The following LARP1B variants were observed in gnomAD, a reference collection of about 807,000 sequenced individuals.
LARP1B encodes the protein La ribonucleoprotein 1B, also known as la-related protein 1B.
Under a neutral mutation model 114.2 loss-of-function variants are expected in LARP1B, and 76 were observed. The observed-to-expected ratio is 0.67, with a 90% CI of 0.55 to 0.81. The LOEUF is 0.81. Ranked by LOEUF, LARP1B falls within the 30% of genes least tolerant of loss-of-function variation. The pLI is 0.00. For synonymous variants in LARP1B, 345 were observed against 348.0 expected, an observed-to-expected ratio of 0.99 and a Z score of 0.10; for missense variants, 1,014 against 1,075.8, an observed-to-expected ratio of 0.94 and a Z score of 0.80.
At chr4:128,061,903 G>C (rs1760255111) in intron 1 of LARP1B, 1 of 985,208 alleles carries the variant, frequency 1.0e-6, no homozygotes, top group African/African-American at 1.7e-5. Context: ...CGGCGCTGGT[G>C]CTGGGACGCA....
intron 12 of LARP1B, among the ~76,000 whole-genome samples, chr4:128,167,680 A>G (rs191933947): frequency 6.6e-5 from 10 of 152,154 alleles, no homozygotes; most frequent in Admixed American, 2.6e-4. Flanking sequence ...CCATTTATGT[A>G]TATTATTTTG....
chr4:128,145,780 T>TA (rs1172622529), intron 11 of LARP1B, among the ~76,000 whole-genome samples: 1 of 152,220 alleles, frequency 6.6e-6, no homozygotes, highest in African/African-American at 2.4e-5. Flanking sequence ...ATCACAGTCT[T>TA]ACATTGCTTT....
In LARP1B at chr4:128,210,802, T is replaced by C; in HGVS notation, c.*749T>C. On this transcript the variant is annotated 3_prime_UTR_variant, in exon 20 of 20. Transcript: ENST00000326639. ...AGCTGATTACATATTAGAGGTTTAT[T>C]TTTATGATTCTATATAAACGTGCAC... 1 of 983,316 alleles carries C rather than the reference T, an allele frequency of 1.0e-6. No individual in the cohort carries two copies. Among genetic ancestry groups the C allele is most frequent in the Non-Finnish European group, 1.2e-6 (1 of 828,004 alleles). 60.9% of individuals were successfully genotyped at this position (983,316 alleles called of 1,614,324 possible).
chr4:128,192,882 G>C (rs1228581435), intron 15 of LARP1B, among the ~76,000 whole-genome samples: 3 of 151,636 alleles, frequency 2.0e-5, no homozygotes, highest in African/African-American at 7.3e-5. Flanking sequence ...ACCCAGGATA[G>C]AGTGCAGTGG....
chr4:128,203,382 C>G (rs1196924467), intron 17 of LARP1B, among the ~76,000 whole-genome samples: 1 of 98,716 alleles, frequency 1.0e-5, no homozygotes, highest in Non-Finnish European at 1.9e-5. Flanking sequence ...CCCTTCCTTT[C>G]TTTTTTTCTT....
chr4:128,155,791 G>C, intron 11 of LARP1B: 1 of 1,591,192 alleles, frequency 6.3e-7, no homozygotes, highest in Non-Finnish European at 8.6e-7. Context: ...CTTCCTGCAG[G>C]CGGAGACTGA....
chr4:128,133,352 CTG>C (rs1423928104), intron 11 of LARP1B, among the ~76,000 whole-genome samples: 1 of 152,160 alleles, frequency 6.6e-6, no homozygotes, highest in East Asian at 1.9e-4. Flanking sequence ...ATTAATAAAG[CTG>C]TTATGAACAA....
At chr4:128,200,330 C>T (rs971195225) in intron 16 of LARP1B, among the ~76,000 whole-genome samples, 191 bp from the exon 17 acceptor site, 6 of 152,150 alleles carry the variant, frequency 3.9e-5, no homozygotes, top group East Asian at 1.9e-4. Flanking sequence ...CTAGATCCCT[C>T]ACATGTGCAG....
intron 11 of LARP1B, among the ~76,000 whole-genome samples, chr4:128,151,840 G>A (rs1732947917): frequency 1.3e-5 from 2 of 152,154 alleles, no homozygotes; most frequent in African/African-American, 4.8e-5. Context: ...CAGACCTCAA[G>A]TGATCTGCCC....
intron 7 of LARP1B, among the ~76,000 whole-genome samples, chr4:128,095,435 G>T (rs1426376938): frequency 1.4e-5 from 2 of 141,152 alleles, no homozygotes; most frequent in Non-Finnish European, 3.0e-5. Context: ...GTCGCAGTGA[G>T]CCGAGATCAT....
At chr4:128,181,776 C>T (rs1408435293) in intron 15 of LARP1B, among the ~76,000 whole-genome samples, 3 of 143,454 alleles carry the variant, frequency 2.1e-5, no homozygotes, top group Non-Finnish European at 4.6e-5. Context: ...TGCAATATTT[C>T]AAACTTTATT....
intron 19 of LARP1B, among the ~76,000 whole-genome samples, chr4:128,208,217 A>G (rs1758094735): frequency 6.6e-6 from 1 of 151,692 alleles, no homozygotes; most frequent in African/African-American, 2.4e-5. Flanking sequence ...AATCCCTGCT[A>G]CTCAGGAGGC....
At chr4:128,125,694 G>A (rs192211434) in intron 11 of LARP1B, among the ~76,000 whole-genome samples, 1 of 152,290 alleles carries the variant, frequency 6.6e-6, no homozygotes, top group African/African-American at 2.4e-5. Context: ...TGCAGTGAGT[G>A]GAGATCACGT....
intron 5 of LARP1B, among the ~76,000 whole-genome samples, chr4:128,087,845 G>T (rs189609387): frequency 6.6e-6 from 1 of 151,718 alleles, no homozygotes; most frequent in Non-Finnish European, 1.5e-5. Context: ...TACATGTGTG[G>T]GGGGGAGCAT....
chr4:128,094,072 A>T (rs1025277683), intron 7 of LARP1B, among the ~76,000 whole-genome samples: 5 of 151,400 alleles, frequency 3.3e-5, no homozygotes, highest in African/African-American at 1.2e-4. Context: ...TTAACTTTTT[A>T]AAAATTTTTT....
intron 11 of LARP1B, among the ~76,000 whole-genome samples, chr4:128,137,663 G>A (rs1045184822): frequency 6.6e-6 from 1 of 151,446 alleles, no homozygotes; most frequent in East Asian, 1.9e-4. Flanking sequence ...TCAAATTAGG[G>A]TAATTTATAT....
intron 1 of LARP1B, among the ~76,000 whole-genome samples, chr4:128,065,590 G>C (rs905019634): frequency 6.6e-6 from 1 of 151,966 alleles, no homozygotes; most frequent in Non-Finnish European, 1.5e-5. Context: ...AGATAAAAGA[G>C]ATTGTGGTGT....
chr4:128,129,236 T>A lies in LARP1B; in HGVS notation c.1524+7048T>A, dbSNP rs541676134. Among the ~76,000 whole-genome samples, 45 of 132,744 alleles carry A rather than the reference T, an allele frequency of 3.4e-4. 1 individual carries two copies. The highest frequency in any genetic ancestry group is 1.2e-3 in the African/African-American group (42 of 33,876). The allele number at this position is 132,744 out of a possible 152,430, so 87.1% of individuals were successfully genotyped here. A position where few individuals can be genotyped will look rare whatever the true frequency, so the allele number is the denominator to read the frequency against. ...CGTGCGTGGTGGCGCGTGCCTGTAG[T>A]CCCAGCTACTGGAGAGGCTGAGACA... On this transcript the variant is annotated intron_variant, in intron 11 of 19. Transcript: ENST00000326639.
intron 1 of LARP1B, among the ~76,000 whole-genome samples, chr4:128,073,592 T>TGTA (rs1561057219): frequency 3.9e-4 from 16 of 40,636 alleles, no homozygotes; most frequent in East Asian, 1.8e-3. Context: ...TTTTTTTTTT[T>TGTA]TTTTTTTTTT....
Sources: gnomAD v4.1 joint callset for allele counts (sites outside exome capture counted in the v4.1 genomes callset) on GRCh38, gnomAD v4.1.1 for gene constraint, MANE v1.5 for transcripts, NCBI Gene and HGNC (gene_info 2026-07-23, HGNC 2026-07-21) for gene names.